PPIL1: variants seen among roughly 807,000 people sequenced by gnomAD.
PPIL1 encodes peptidyl-prolyl cis-trans isomerase-like 1.
PPIL1 carries 14 observed loss-of-function variants against 19.4 expected under a neutral mutation model. The ratio of observed to expected loss-of-function variants is 0.72; its 90% CI spans 0.48 to 1.13. The LOEUF (loss-of-function observed/expected upper bound fraction) is 1.13, where lower values mean the gene tolerates loss of function less well. Ranked by LOEUF, PPIL1 falls within the 50% of genes most tolerant of loss-of-function variation. PPIL1 has a pLI of 0.00. For missense variants in PPIL1, 192 were observed against 218.0 expected (o/e 0.88, Z 0.75); for synonymous variants, 72 against 73.6 (o/e 0.98, Z 0.11).
chr6:36,871,671 A>C, intron 2 of PPIL1, 47 bp downstream of exon 2: 4 of 1,552,650 alleles, frequency 2.6e-6, no homozygotes, highest in Non-Finnish European at 2.6e-6. Context: ...AAAGACGAAA[A>C]GGAGAAAAAA....
In PPIL1 at chr6:36,867,275, TTACCA is replaced by T. The variant is rs541743539; in HGVS notation, c.211+4438_211+4442del. Among the ~76,000 whole-genome samples, 590 of 152,240 alleles carry T rather than the reference TTACCA, an allele frequency of 3.9e-3. 4 individuals are homozygous for T. The highest frequency in any genetic ancestry group is 0.013 in the African/African-American group (558 of 41,518). ...TTTCAGTTATTGCTATCAGGCACGT[TTACCA>T]CATGCTCCCAACACCCAATAAAGTG... On this transcript the variant is annotated intron_variant, in intron 2 of 3. Transcript: ENST00000373699.
At chr6:36,862,720 A>G (rs2150656782) in intron 2 of PPIL1, among the ~76,000 whole-genome samples, 1 of 152,332 alleles carries the variant, frequency 6.6e-6, no homozygotes, top group South Asian at 2.1e-4. Flanking sequence ...TGAAGAGATG[A>G]CAATAACTGC....
chr6:36,872,482 A>T (rs1272370702), intron 1 of PPIL1, among the ~76,000 whole-genome samples: 2 of 152,176 alleles, frequency 1.3e-5, no homozygotes, highest in Non-Finnish European at 2.9e-5. Flanking sequence ...GAATCTTTGC[A>T]CCTACCCAAT....
Position 36,874,755 on chromosome 6 carries a change from T to C in PPIL1, c.18A>G (p.Pro6=), listed in dbSNP as rs1774603031. 1.2e-6 allele frequency: 2 copies of C among 1,614,086 alleles called. No homozygotes were observed. Among genetic ancestry groups the C allele is most frequent in the East Asian group, 2.2e-5 (1 of 44,886 alleles). The change falls in exon 1 of 4, where the codon CCA becomes CCG. Residue 6 remains proline, a synonymous_variant. Transcript: ENST00000373699. The part of the protein sequence containing the change: MAAIP[P]DSWQPPNVYL... ...AAACGTTGGGTGGCTGCCAGGAATC[T>C]GGGGGAATTGCCGCCATAGCGAAGC...
At chr6:36,873,243 A>G (rs932958588) in intron 1 of PPIL1, among the ~76,000 whole-genome samples, 1 of 152,230 alleles carries the variant, frequency 6.6e-6, no homozygotes, top group African/African-American at 2.4e-5. Context: ...AGGAAAATAT[A>G]CAAAAGTGCC....
At chr6:36,870,476 CT>C (rs1320037587) in intron 2 of PPIL1, among the ~76,000 whole-genome samples, 1 of 152,186 alleles carries the variant, frequency 6.6e-6, no homozygotes, top group African/African-American at 2.4e-5. Context: ...CTGAAAACAT[CT>C]TGGGGGGAAG....
chr6:36,866,420 C>T (rs1357521360), intron 2 of PPIL1, among the ~76,000 whole-genome samples: 1 of 152,090 alleles, frequency 6.6e-6, no homozygotes, highest in African/African-American at 2.4e-5. Context: ...AAACGTGTCA[C>T]CTAATCAGCT....
chr6:36,856,277 C>T (rs577370748), intron 3 of PPIL1, among the ~76,000 whole-genome samples: 53 of 152,350 alleles, frequency 3.5e-4, no homozygotes, highest in Non-Finnish European at 4.7e-4. Context: ...TCCTCACTAA[C>T]TGTGGACCAT....
At chr6:36,857,010 TAA>T (rs918719615) in intron 2 of PPIL1, among the ~76,000 whole-genome samples, 15 of 152,216 alleles carry the variant, frequency 9.9e-5, no homozygotes, top group African/African-American at 3.4e-4. Context: ...TCTGATGTGT[TAA>T]GAGGTTTCTT....
At chr6:36,873,962 G>A (rs1284380353) in intron 1 of PPIL1, among the ~76,000 whole-genome samples, 1 of 152,174 alleles carries the variant, frequency 6.6e-6, no homozygotes, top group Non-Finnish European at 1.5e-5. Flanking sequence ...GTCCTACTTT[G>A]TAAAGATCAC....
At chr6:36,858,572 T>C (rs1774214874) in intron 2 of PPIL1, 1 of 152,222 alleles carries the variant, frequency 6.6e-6, no homozygotes, top group Admixed American at 6.5e-5. Context: ...TACCTTTTAG[T>C]CGGCTTCACC....
Position 36,869,263 on chromosome 6 carries a change from G to A in PPIL1, c.211+2455C>T, listed in dbSNP as rs1246702895. ...CCTCCAAAGTGCTAGGCTTACAGGTGTGAGCCACCATGCCTGGCCTAAAAA... is the reference window on the plus strand; with the variant it reads ...CCTCCAAAGTGCTAGGCTTACAGGTATGAGCCACCATGCCTGGCCTAAAAA... On this transcript the variant is annotated intron_variant, in intron 2 of 3. Transcript: ENST00000373699. Among the ~76,000 whole-genome samples the A allele has an allele frequency of 2.6e-5, 4 of 152,306 alleles. No individual in the cohort carries two copies. In the South Asian group the frequency reaches 8.3e-4, roughly 32 times the overall value.
chr6:36,866,036 G>C (rs1774387375), intron 2 of PPIL1, among the ~76,000 whole-genome samples: 1 of 152,208 alleles, frequency 6.6e-6, no homozygotes, highest in African/African-American at 2.4e-5. Context: ...ACAGCAGCTG[G>C]TGAGCACTGT....
rs1312413448 is a variant in PPIL1 at position 36,855,301 on chromosome 6, T to C, written c.*512A>G. The C allele has an allele frequency of 6.2e-6, 1 of 161,058 alleles. No individual in the cohort carries two copies. The highest frequency in any genetic ancestry group is 1.4e-5 in the Non-Finnish European group (1 of 72,026). The allele number at this position is 161,058 out of a possible 1,614,324, so 10.0% of individuals were successfully genotyped here. On this transcript the variant is annotated 3_prime_UTR_variant, in exon 4 of 4. Transcript: ENST00000373699. ...TTCTGGTTTTGAGAGGGAAAATATA[T>C]ATAGAGATGCATACATTCCCTAGAA...
intron 2 of PPIL1, among the ~76,000 whole-genome samples, chr6:36,863,113 C>T (rs994207653): frequency 6.6e-6 from 1 of 152,178 alleles, no homozygotes; most frequent in African/African-American, 2.4e-5. Flanking sequence ...ATGAGGCAAA[C>T]ACACAGTAGT....
At position 36,860,730 on chromosome 6, in the gene PPIL1, C is replaced by T. The variant is rs565606706; in HGVS notation, c.212-4076G>A. ...CTGACAAGAATTTGGCATTTCCATGCATTTTCTTTTTTACTACACATATAT... is the reference window on the plus strand; with the variant it reads ...CTGACAAGAATTTGGCATTTCCATGTATTTTCTTTTTTACTACACATATAT... On this transcript the variant is annotated intron_variant, in intron 2 of 3. Transcript: ENST00000373699. Among the ~76,000 whole-genome samples, 19 of 144,488 alleles carry T rather than the reference C, an allele frequency of 1.3e-4. 1 individual carries two copies. The highest frequency in any genetic ancestry group is 4.7e-4 in the African/African-American group (18 of 38,058). The allele number at this position is 144,488 out of a possible 152,430, so 94.8% of individuals were successfully genotyped here. A position where few individuals can be genotyped will look rare whatever the true frequency, so the allele number is the denominator to read the frequency against.
chr6:36,855,817 C>G lies in PPIL1; in HGVS notation c.497G>C (p.Gly166Ala). ...CTGCTCAAGAGGGTAGCAAGTCTAC[C>G]CAGAAGGGTATGCCTTAATGATCTT... is the stretch of plus-strand genomic sequence containing the variant. ...DVKIIKAYPS[G>A] Residue 166 changes from glycine to alanine, a missense_variant, in exon 4 of 4, where the codon GGG (glycine) becomes GCG (alanine). Coordinates refer to ENST00000373699, the MANE Select transcript of PPIL1 (RefSeq NM_016059.5). 6.2e-7 allele frequency: 1 copy of G among 1,614,080 alleles called. No homozygotes were observed.
At chr6:36,861,807 C>T (rs957369224) in intron 2 of PPIL1, among the ~76,000 whole-genome samples, 14 of 151,940 alleles carry the variant, frequency 9.2e-5, no homozygotes, top group African/African-American at 3.4e-4. Context: ...AGCAATTCTC[C>T]TGCCTCAGCC....
chr6:36,859,675 G>A (rs1047435621), intron 2 of PPIL1, among the ~76,000 whole-genome samples: 7 of 152,146 alleles, frequency 4.6e-5, no homozygotes, highest in Non-Finnish European at 1.0e-4. Context: ...GACAGAGAAT[G>A]ATTAAAGAGT....
Sources: allele counts gnomAD v4.1 joint callset (sites outside exome capture counted in the v4.1 genomes callset), GRCh38; gene constraint gnomAD v4.1.1; transcripts MANE v1.5; gene names NCBI Gene and HGNC (gene_info 2026-07-23, HGNC 2026-07-21).